The following GALNT13 variants were observed in gnomAD, a reference collection of about 807,000 sequenced individuals.
The protein encoded by GALNT13 is UDP-GalNAc:polypeptide N-acetylgalactosaminyltransferase 13.
A neutral mutation model predicts 64.2 loss-of-function variants in GALNT13; 28 were observed. The ratio of observed to expected loss-of-function variants is 0.44; its 90% CI spans 0.32 to 0.60. The LOEUF (loss-of-function observed/expected upper bound fraction) is 0.60, where lower values mean the gene tolerates loss of function less well. GALNT13 is among the 20% of genes least tolerant of loss of function. The pLI, the probability that GALNT13 is intolerant of heterozygous loss-of-function variation, is 0.05. For synonymous variants in GALNT13, 214 were observed against 224.6 expected, an observed-to-expected ratio of 0.95 and a Z score of 0.42; for missense variants, 577 against 669.8, an observed-to-expected ratio of 0.86 and a Z score of 1.53.
chr2:153,880,508 A>G (rs1429571944), intron 1 of GALNT13, among the ~76,000 whole-genome samples: 1 of 152,156 alleles, frequency 6.6e-6, no homozygotes, highest in Non-Finnish European at 1.5e-5. Context: ...AAACAATGTG[A>G]TTTCCAATTC....
chr2:154,384,420 T>A (rs1698412410), intron 9 of GALNT13, among the ~76,000 whole-genome samples: 1 of 151,842 alleles, frequency 6.6e-6, no homozygotes, highest in Admixed American at 6.6e-5. Flanking sequence ...TGTAAATAAT[T>A]AAAGAATAAA....
intron 9 of GALNT13, among the ~76,000 whole-genome samples, chr2:154,355,407 T>C (rs1266684486): frequency 6.6e-6 from 1 of 152,138 alleles, no homozygotes; most frequent in Non-Finnish European, 1.5e-5. Context: ...ATATGCAAGA[T>C]ATGAGTTCTT....
the GALNT13 span, among the ~76,000 whole-genome samples, chr2:153,109,956 T>G: frequency 6.6e-6 from 1 of 152,130 alleles, no homozygotes; most frequent in Non-Finnish European, 1.5e-5. Context: ...AGACATCTTA[T>G]CAAGCTTTAG....
rs1294331967 is a variant in GALNT13, at chr2:154,451,342, A to G, written c.*791A>G. ...TCCTAGAGTTTATGTTGGATACTCA[A>G]TTCTTAACCAAAATCTTGGTCTCCA... On this transcript the variant is annotated 3_prime_UTR_variant, in exon 13 of 13. Transcript: ENST00000392825. 3 of 152,088 alleles carry G rather than the reference A, an allele frequency of 2.0e-5. No individual in the cohort carries two copies. Among genetic ancestry groups the G allele is most frequent in the African/African-American group, 7.2e-5 (3 of 41,446 alleles). 9.4% of individuals were successfully genotyped at this position (152,088 alleles called of 1,614,324 possible).
the GALNT13 span, among the ~76,000 whole-genome samples, chr2:153,373,101 G>A: frequency 6.6e-6 from 1 of 151,250 alleles, no homozygotes; most frequent in South Asian, 2.1e-4. Context: ...TGAAATCTCA[G>A]TTTATAGCCT....
chr2:154,081,691 A>G (rs766495893), intron 3 of GALNT13, among the ~76,000 whole-genome samples: 11 of 151,758 alleles, frequency 7.2e-5, no homozygotes, highest in South Asian at 2.1e-4. Context: ...GGAAATTCCT[A>G]TATCTATGAA....
chr2:154,253,647 A>G (rs1690210750), intron 7 of GALNT13, among the ~76,000 whole-genome samples: 1 of 152,188 alleles, frequency 6.6e-6, no homozygotes, highest in Non-Finnish European at 1.5e-5. Context: ...TAAATAAAAT[A>G]CTATCAAACT....
the GALNT13 span, among the ~76,000 whole-genome samples, chr2:153,336,530 T>C: frequency 6.6e-6 from 1 of 152,154 alleles, no homozygotes; most frequent in Non-Finnish European, 1.5e-5. Context: ...GTAACCCCTT[T>C]GTTTTGGACA....
chr2:153,568,564 G>A, the GALNT13 span, among the ~76,000 whole-genome samples: 19 of 152,050 alleles, frequency 1.2e-4, 1 homozygote, highest in Admixed American at 7.9e-4. Context: ...CAATTTTTAT[G>A]CTTCACTGAA....
At chr2:153,225,809 T>A in the GALNT13 span, among the ~76,000 whole-genome samples, 1 of 152,264 alleles carries the variant, frequency 6.6e-6, no homozygotes, top group East Asian at 1.9e-4. Context: ...AAAACACTGA[T>A]GAGAGAAATA....
At chr2:154,225,567 G>T (rs951830736) in intron 4 of GALNT13, among the ~76,000 whole-genome samples, 1 of 152,072 alleles carries the variant, frequency 6.6e-6, no homozygotes, top group Admixed American at 6.6e-5. Context: ...AAAGGAAATA[G>T]TTATCAATAG....
intron 4 of GALNT13, among the ~76,000 whole-genome samples, chr2:154,238,179 T>C (rs1193984491): frequency 6.6e-6 from 1 of 152,016 alleles, no homozygotes; most frequent in African/African-American, 2.4e-5. Context: ...CCAAGGAAGA[T>C]ATCCACAAGA....
the GALNT13 span, among the ~76,000 whole-genome samples, chr2:153,144,469 A>G: frequency 6.6e-6 from 1 of 152,020 alleles, no homozygotes; most frequent in South Asian, 2.1e-4. Flanking sequence ...CTAATTTGTC[A>G]TTAGGTAAGT....
the GALNT13 span, among the ~76,000 whole-genome samples, chr2:153,439,524 G>A: frequency 3.9e-5 from 6 of 152,288 alleles, no homozygotes; most frequent in South Asian, 1.2e-3. Flanking sequence ...AATAGCAGGT[G>A]CCCCTCCCCC....
chr2:153,541,522 C>G, the GALNT13 span, among the ~76,000 whole-genome samples: 1 of 152,156 alleles, frequency 6.6e-6, no homozygotes, highest in Non-Finnish European at 1.5e-5. Flanking sequence ...AACCAGAACA[C>G]CTTTCCCCAA....
At chr2:153,076,360 C>A in the GALNT13 span, among the ~76,000 whole-genome samples, 1 of 152,058 alleles carries the variant, frequency 6.6e-6, no homozygotes, top group Non-Finnish European at 1.5e-5. Flanking sequence ...GATACTGAAC[C>A]TGCATTATAT....
intron 3 of GALNT13, among the ~76,000 whole-genome samples, chr2:153,952,738 A>G (rs1692283901): frequency 6.6e-6 from 1 of 150,678 alleles, no homozygotes; most frequent in Non-Finnish European, 1.5e-5. Context: ...GCTATCTGCA[A>G]GCTGAGGAGC....
chr2:153,746,463 T>A, the GALNT13 span, among the ~76,000 whole-genome samples: 1 of 152,220 alleles, frequency 6.6e-6, no homozygotes, highest in South Asian at 2.1e-4. Flanking sequence ...TCACCTGTAA[T>A]GTTAAAGAGA....
intron 3 of GALNT13, among the ~76,000 whole-genome samples, chr2:154,104,495 C>T (rs570613511): frequency 1.3e-5 from 2 of 152,188 alleles, no homozygotes; most frequent in Non-Finnish European, 2.9e-5. Flanking sequence ...TGGCTACATC[C>T]ATAGCATGGA....
Sources: allele counts gnomAD v4.1 joint callset (sites outside exome capture counted in the v4.1 genomes callset), GRCh38; gene constraint gnomAD v4.1.1; transcripts MANE v1.5; gene names NCBI Gene and HGNC (gene_info 2026-07-23, HGNC 2026-07-21).